The following SDHB variants were observed in gnomAD, a reference collection of about 807,000 sequenced individuals.
The protein encoded by SDHB is succinate dehydrogenase [ubiquinone] iron-sulfur subunit, mitochondrial.
In SDHB, 21 loss-of-function variants were observed where a neutral mutation model predicts 39.7. That is an observed-to-expected ratio of 0.53 (90% CI 0.37 to 0.76). The LOEUF is 0.76. Ranked by LOEUF, SDHB falls within the 30% of genes least tolerant of loss-of-function variation. The pLI, the probability that SDHB is intolerant of heterozygous loss-of-function variation, is 0.00. For synonymous variants in SDHB, 118 were observed against 117.0 expected, an observed-to-expected ratio of 1.01 and a Z score of -0.06; for missense variants, 343 against 350.9, an observed-to-expected ratio of 0.98 and a Z score of 0.18.
At chr1:17,029,542 C>T (rs1439699743) in intron 3 of SDHB, among the ~76,000 whole-genome samples, 2 of 152,094 alleles carry the variant, frequency 1.3e-5, no homozygotes, top group African/African-American at 4.8e-5. Context: ...AGTGATTCTC[C>T]TGCCTCAGCC....
At chr1:17,035,433 T>C (rs903849835) in intron 2 of SDHB, among the ~76,000 whole-genome samples, 3 of 152,202 alleles carry the variant, frequency 2.0e-5, no homozygotes, top group African/African-American at 7.2e-5. Context: ...TTAGATAAAA[T>C]TGAGTCTGTT....
chr1:17,044,569 G>A (rs988572280), intron 2 of SDHB, among the ~76,000 whole-genome samples, 192 bp downstream of exon 2: 4 of 152,110 alleles, frequency 2.6e-5, no homozygotes, highest in African/African-American at 9.7e-5. Context: ...CAGATGATCT[G>A]CCCGCCTGAG....
chr1:17,022,005 A>G (rs933628316), intron 7 of SDHB, among the ~76,000 whole-genome samples: 2 of 152,220 alleles, frequency 1.3e-5, no homozygotes, highest in Non-Finnish European at 2.9e-5. Flanking sequence ...TGAGAAGGTG[A>G]GCTGGGCCAA....
intron 7 of SDHB, among the ~76,000 whole-genome samples, chr1:17,019,943 TC>T (rs1345335390): frequency 1.3e-5 from 2 of 152,076 alleles, no homozygotes; most frequent in East Asian, 3.9e-4. Context: ...CACTATGTTG[TC>T]CAGGCTGGTC....
intron 1 of SDHB, among the ~76,000 whole-genome samples, chr1:17,045,612 A>G (rs1367636366): frequency 2.0e-5 from 3 of 152,184 alleles, no homozygotes; most frequent in African/African-American, 7.2e-5. Context: ...AATACAAAAT[A>G]AAAAAGAAAA....
chr1:17,033,316 C>T (rs2078033432), intron 2 of SDHB, among the ~76,000 whole-genome samples, 171 bp from the exon 3 acceptor site: 1 of 152,210 alleles, frequency 6.6e-6, no homozygotes, highest in African/African-American at 2.4e-5. Flanking sequence ...ATTTTAAGTA[C>T]TGCACAGTTC....
chr1:17,051,779 T>C (rs2078149401), intron 1 of SDHB, among the ~76,000 whole-genome samples: 1 of 152,112 alleles, frequency 6.6e-6, no homozygotes, highest in African/African-American at 2.4e-5. Flanking sequence ...CTTTGTATTA[T>C]TCTGATTTGT....
At chr1:17,037,523 C>G (rs906321258) in intron 2 of SDHB, among the ~76,000 whole-genome samples, 1 of 151,594 alleles carries the variant, frequency 6.6e-6, no homozygotes, top group Non-Finnish European at 1.5e-5. Flanking sequence ...GTGGCGTGAT[C>G]TTGGCTCACT....
chr1:17,052,033 G>C (rs1279824646), intron 1 of SDHB, among the ~76,000 whole-genome samples: 1 of 151,590 alleles, frequency 6.6e-6, no homozygotes, highest in Non-Finnish European at 1.5e-5. Context: ...TTTTAGTAGA[G>C]ACGGGGTTTC....
chr1:17,027,116 T>G (rs759190634), intron 5 of SDHB, among the ~76,000 whole-genome samples: 2 of 152,140 alleles, frequency 1.3e-5, no homozygotes, highest in Non-Finnish European at 2.9e-5. Flanking sequence ...TCCACAAGTA[T>G]GCAGGGAGTA....
intron 1 of SDHB, among the ~76,000 whole-genome samples, chr1:17,050,552 G>A (rs769421520): frequency 2.6e-5 from 4 of 151,878 alleles, no homozygotes; most frequent in Admixed American, 2.0e-4. Flanking sequence ...TTGGGAGGCC[G>A]AGGCAGGAGA....
intron 6 of SDHB, among the ~76,000 whole-genome samples, chr1:17,023,395 T>C (rs1385291567): frequency 2.6e-5 from 4 of 152,238 alleles, no homozygotes; most frequent in African/African-American, 9.6e-5. Flanking sequence ...CTGTAACTTC[T>C]CTTTTTGTGG....
At chr1:17,036,824 A>AT (rs2078053172) in intron 2 of SDHB, among the ~76,000 whole-genome samples, 1 of 149,402 alleles carries the variant, frequency 6.7e-6, no homozygotes, top group African/African-American at 2.4e-5. Flanking sequence ...ACACACACAC[A>AT]TTTTTTCTGT....
chr1:17,041,132 GAAAC>G (rs954318097), intron 2 of SDHB, among the ~76,000 whole-genome samples: 8 of 152,026 alleles, frequency 5.3e-5, no homozygotes, highest in South Asian at 2.1e-4. Context: ...TCCGTCTCAA[GAAAC>G]AAACAAACAA....
chr1:17,040,848 G>A (rs750904602), intron 2 of SDHB, among the ~76,000 whole-genome samples: 7 of 152,028 alleles, frequency 4.6e-5, no homozygotes, highest in Non-Finnish European at 7.4e-5. Context: ...AGATAATTTC[G>A]GCCGGGCATG....
intron 5 of SDHB, among the ~76,000 whole-genome samples, chr1:17,027,425 A>C (rs1195618548): frequency 6.6e-6 from 1 of 152,214 alleles, no homozygotes; most frequent in Non-Finnish European, 1.5e-5. Context: ...CAGTGAGGGA[A>C]CAGTTCTGAC....
rs201558574 is a variant in SDHB, at chr1:17,024,081, G to C, written c.541-7C>G. 2 of 1,601,866 alleles carry C rather than the reference G, an allele frequency of 1.2e-6. No homozygotes were observed. The highest frequency in any genetic ancestry group is 1.7e-6 in the Non-Finnish European group (2 of 1,170,382). On this transcript the variant is annotated splice_polypyrimidine_tract_variant and splice_region_variant and intron_variant, in intron 5 of 7. Transcript: ENST00000375499. ...TGCACTCGTAGAGCCCGTCCTGTAT[G>C]GGGAGAAAAGAGAGGCAGGAGCTTG...
At chr1:17,029,694 T>C (rs970181955) in intron 3 of SDHB, among the ~76,000 whole-genome samples, 3 of 152,206 alleles carry the variant, frequency 2.0e-5, no homozygotes, top group African/African-American at 7.2e-5. Context: ...AAGGTTGAAG[T>C]GACCTGGATA....
At chr1:17,028,828 T>TC in intron 3 of SDHB, 92 bp from the exon 4 acceptor site, 1 of 1,455,248 alleles carries the variant, frequency 6.9e-7, no homozygotes, top group Non-Finnish European at 9.5e-7. Flanking sequence ...TGCTGTGCCA[T>TC]CAGGGGCAGC....
Sources: allele counts gnomAD v4.1 joint callset (sites outside exome capture counted in the v4.1 genomes callset), GRCh38; gene constraint gnomAD v4.1.1; transcripts MANE v1.5; gene names NCBI Gene and HGNC (gene_info 2026-07-23, HGNC 2026-07-21).